IRAK1BP1: variants seen among roughly 807,000 people sequenced by gnomAD.
The protein encoded by IRAK1BP1 is interleukin-1 receptor-associated kinase 1-binding protein 1.
IRAK1BP1 carries 24 observed loss-of-function variants against 28.0 expected under a neutral mutation model. The observed-to-expected ratio is 0.86, with a 90% confidence interval of 0.62 to 1.20. The LOEUF (loss-of-function observed/expected upper bound fraction) is 1.20. Among genes scored for constraint, IRAK1BP1 ranks in the 50% most tolerant of loss-of-function variants. The pLI, the probability that IRAK1BP1 is intolerant of heterozygous loss-of-function variation, is 0.00. For synonymous variants in IRAK1BP1, 131 were observed against 116.3 expected (o/e 1.13, Z -0.81); for missense variants, 336 against 316.7 (o/e 1.06, Z -0.46).
intron 4 of IRAK1BP1, among the ~76,000 whole-genome samples, chr6:78,943,989 TTA>T (rs1491450888): frequency 1.3e-4 from 6 of 46,822 alleles, no homozygotes; most frequent in African/African-American, 3.5e-4. Context: ...CTGTCTTTTT[TTA>T]AAAAAAAAAA....
chr6:78,924,701 A>T (rs572856809), intron 4 of IRAK1BP1, among the ~76,000 whole-genome samples: 1 of 152,354 alleles, frequency 6.6e-6, no homozygotes, highest in South Asian at 2.1e-4. Flanking sequence ...CCAGCAGCAC[A>T]TCAAAAAGCT....
chr6:78,887,485 G>A (rs1047007831), intron 2 of IRAK1BP1, among the ~76,000 whole-genome samples: 4 of 152,108 alleles, frequency 2.6e-5, no homozygotes, highest in Non-Finnish European at 4.4e-5. Context: ...CCAATATGGT[G>A]AAACCCCATC....
the IRAK1BP1 span, chr6:78,971,024 C>G: frequency 1.6e-6 from 1 of 616,898 alleles, no homozygotes; most frequent in Non-Finnish European, 2.8e-6. Context: ...CTCCCTCCTC[C>G]TTTCTCTCAA....
intron 2 of IRAK1BP1, among the ~76,000 whole-genome samples, chr6:78,896,259 A>G (rs994196392): frequency 6.6e-6 from 1 of 152,038 alleles, no homozygotes; most frequent in African/African-American, 2.4e-5. Flanking sequence ...TGGAAATACA[A>G]AGGATCTAGA....
intron 4 of IRAK1BP1, among the ~76,000 whole-genome samples, chr6:78,922,736 T>A (rs944214084): frequency 6.6e-6 from 1 of 152,126 alleles, no homozygotes; most frequent in African/African-American, 2.4e-5. Flanking sequence ...CGGCAGAAAC[T>A]CTACAAGCCA....
chr6:78,923,980 T>C (rs1270490200), intron 4 of IRAK1BP1, among the ~76,000 whole-genome samples: 1 of 152,008 alleles, frequency 6.6e-6, no homozygotes, highest in African/African-American at 2.4e-5. Flanking sequence ...AAATCTAAAA[T>C]TGACACCCTA....
Position 78,898,555 on chromosome 6 carries a change from C to T in IRAK1BP1, c.*221C>T, listed in dbSNP as rs1213332801. On this transcript the variant is annotated 3_prime_UTR_variant, in exon 4 of 4. Transcript: ENST00000369940. ...TTAAAAGACTACTCTGAAAAACACT[C>T]TTGGATAATAAATGTATTATGTGCA... 1 of 152,034 alleles carries T rather than the reference C, an allele frequency of 6.6e-6. No homozygotes were observed. Among genetic ancestry groups the T allele is most frequent in the African/African-American group, 2.4e-5 (1 of 41,050 alleles). 9.4% of individuals were successfully genotyped at this position (152,034 alleles called of 1,614,324 possible).
intron 1 of IRAK1BP1, among the ~76,000 whole-genome samples, chr6:78,882,107 T>TGAATGC (rs1771250944): frequency 6.6e-6 from 1 of 152,072 alleles, no homozygotes; most frequent in African/African-American, 2.4e-5. Context: ...AGTCTCAGCA[T>TGAATGC]TCAGATCTTG....
At chr6:78,970,910 T>C in the IRAK1BP1 span, 1 of 1,512,824 alleles carries the variant, frequency 6.6e-7, no homozygotes, top group Non-Finnish European at 9.1e-7. Flanking sequence ...AGTCATAATC[T>C]TACAACCTGG....
At chr6:78,891,883 A>G (rs1475589301) in intron 2 of IRAK1BP1, among the ~76,000 whole-genome samples, 1 of 152,156 alleles carries the variant, frequency 6.6e-6, no homozygotes, top group East Asian at 1.9e-4. Flanking sequence ...TTTTCCTTGC[A>G]TGCCTGCTAT....
intron 1 of IRAK1BP1, among the ~76,000 whole-genome samples, chr6:78,883,634 A>G (rs1771309456): frequency 6.6e-6 from 1 of 152,230 alleles, no homozygotes; most frequent in Non-Finnish European, 1.5e-5. Context: ...AAAATATTAA[A>G]TGACAAAAAA....
intron 4 of IRAK1BP1, among the ~76,000 whole-genome samples, chr6:78,913,888 A>C (rs185339219): frequency 8.3e-4 from 127 of 152,366 alleles, no homozygotes; most frequent in South Asian, 1.4e-3. Context: ...CAGATGATAT[A>C]CTGTTATGCT....
chr6:78,916,453 G>A (rs1772563758), intron 4 of IRAK1BP1, among the ~76,000 whole-genome samples: 1 of 152,074 alleles, frequency 6.6e-6, no homozygotes, highest in African/African-American at 2.4e-5. Context: ...ATTTGGCAGT[G>A]TGGTGGGGGG....
the IRAK1BP1 span, among the ~76,000 whole-genome samples, chr6:78,953,439 G>A: frequency 6.6e-6 from 1 of 152,082 alleles, no homozygotes; most frequent in African/African-American, 2.4e-5. Flanking sequence ...TGAATAAACT[G>A]CAACTTATTT....
At chr6:78,912,162 G>T (rs1772444550) in intron 4 of IRAK1BP1, among the ~76,000 whole-genome samples, 1 of 152,078 alleles carries the variant, frequency 6.6e-6, no homozygotes, top group South Asian at 2.1e-4. Context: ...CAACTTCCCA[G>T]AAGAGGATTT....
the IRAK1BP1 span, among the ~76,000 whole-genome samples, chr6:78,972,495 C>T: frequency 2.0e-5 from 3 of 152,208 alleles, no homozygotes; most frequent in African/African-American, 7.2e-5. Flanking sequence ...AGGAACACAG[C>T]TCCTCACCAG....
chr6:78,887,885 G>A (rs1771487172), intron 2 of IRAK1BP1, among the ~76,000 whole-genome samples: 1 of 152,014 alleles, frequency 6.6e-6, no homozygotes, highest in Admixed American at 6.6e-5. Context: ...ATCAGGATCT[G>A]GAAAAAATAC....
At chr6:78,925,804 G>T (rs1772871690) in intron 4 of IRAK1BP1, among the ~76,000 whole-genome samples, 6 of 152,122 alleles carry the variant, frequency 3.9e-5, no homozygotes. Context: ...GCCCATCACT[G>T]GTGGAGTGGA....
downstream of IRAK1BP1, chr6:78,903,259 G>A (rs1242769565): frequency 2.1e-6 from 1 of 475,770 alleles, no homozygotes; most frequent in Non-Finnish European, 3.7e-6. Context: ...GAGGCAGGTG[G>A]ATCACTTGAG....
Sources: allele counts gnomAD v4.1 joint callset (sites outside exome capture counted in the v4.1 genomes callset), GRCh38; gene constraint gnomAD v4.1.1; transcripts MANE v1.5; gene names NCBI Gene and HGNC (gene_info 2026-07-23, HGNC 2026-07-21).